The following GRIK2 variants were observed in gnomAD, a reference collection of about 807,000 sequenced individuals.
GRIK2 encodes glutamate receptor ionotropic, kainate 2.
Under a neutral mutation model 100.3 loss-of-function variants are expected in GRIK2, and 32 were observed. The observed-to-expected ratio is 0.32, with a 90% confidence interval of 0.24 to 0.43. The LOEUF (loss-of-function observed/expected upper bound fraction) is 0.43. Ranked by LOEUF, GRIK2 falls within the 20% of genes least tolerant of loss-of-function variation. GRIK2 has a pLI of 1.00. For synonymous variants in GRIK2, 417 were observed against 389.4 expected, an observed-to-expected ratio of 1.07 and a Z score of -0.83; for missense variants, 843 against 1,114.9, an observed-to-expected ratio of 0.76 and a Z score of 3.47.
At chr6:101,533,380 T>G (rs1289013741) in intron 2 of GRIK2, among the ~76,000 whole-genome samples, 2 of 150,422 alleles carry the variant, frequency 1.3e-5, no homozygotes, top group Non-Finnish European at 3.0e-5. Context: ...AATGTATCAA[T>G]TAGAACAAAA....
intron 15 of GRIK2, among the ~76,000 whole-genome samples, chr6:102,046,016 A>G (rs946866799): frequency 2.0e-5 from 3 of 152,108 alleles, no homozygotes; most frequent in African/African-American, 4.8e-5. Flanking sequence ...AATGTATTCC[A>G]TGCACATGGT....
At chr6:101,788,947 A>T (rs1475688874) in intron 7 of GRIK2, among the ~76,000 whole-genome samples, 1 of 151,996 alleles carries the variant, frequency 6.6e-6, no homozygotes, top group East Asian at 1.9e-4. Context: ...TGATTTGCAT[A>T]TCTCTGATGG....
chr6:101,882,170 C>T (rs2128453788), intron 11 of GRIK2, among the ~76,000 whole-genome samples: 1 of 152,148 alleles, frequency 6.6e-6, no homozygotes, highest in Non-Finnish European at 1.5e-5. Flanking sequence ...GGGTCCCTCC[C>T]ACAACACCTG....
chr6:101,975,713 G>C (rs994979054), intron 14 of GRIK2, among the ~76,000 whole-genome samples: 2 of 151,822 alleles, frequency 1.3e-5, no homozygotes, highest in African/African-American at 4.8e-5. Flanking sequence ...GGTCAAGGTG[G>C]GCAGGTGGAG....
chr6:101,902,414 A>G (rs1333430374), intron 12 of GRIK2, among the ~76,000 whole-genome samples: 1 of 151,976 alleles, frequency 6.6e-6, no homozygotes, highest in Non-Finnish European at 1.5e-5. Context: ...AAGCAAAAGT[A>G]AAAAGTTAAG....
intron 15 of GRIK2, 123 bp downstream of exon 15, chr6:102,035,689 C>G (rs774509507): frequency 9.9e-6 from 6 of 604,798 alleles, no homozygotes; most frequent in Non-Finnish European, 1.8e-5. Flanking sequence ...ATCCTGCTAC[C>G]TCTCTGATTG....
intron 2 of GRIK2, among the ~76,000 whole-genome samples, chr6:101,458,192 TC>T (rs1771110867): frequency 6.6e-6 from 1 of 151,980 alleles, no homozygotes; most frequent in Admixed American, 6.6e-5. Context: ...TGAGAAGGGA[TC>T]TTTTTTTTTT....
rs1446803020 is a variant in GRIK2 at position 102,069,819 on chromosome 6, T to C, written c.*1308T>C. On this transcript the variant is annotated 3_prime_UTR_variant, in exon 17 of 17. Transcript: ENST00000369134. ...CAACGTTTGGTGAAAACTATTTTTA[T>C]CAAGAAAAAAGGAATCATAGAAGAG... 1 of 151,856 alleles carries C rather than the reference T, an allele frequency of 6.6e-6. No individual in the cohort carries two copies. Among genetic ancestry groups the C allele is most frequent in the Non-Finnish European group, 1.5e-5 (1 of 67,938 alleles). 9.4% of individuals were successfully genotyped at this position (151,856 alleles called of 1,614,324 possible).
chr6:101,856,281 G>A (rs1157129256), intron 10 of GRIK2, among the ~76,000 whole-genome samples: 1 of 152,118 alleles, frequency 6.6e-6, no homozygotes, highest in Non-Finnish European at 1.5e-5. Context: ...AGTAAACGAT[G>A]GTGCCATTTT....
chr6:101,556,898 T>TG (rs1776775460), intron 2 of GRIK2, among the ~76,000 whole-genome samples: 1 of 152,194 alleles, frequency 6.6e-6, no homozygotes, highest in African/African-American at 2.4e-5. Context: ...ATTTGGTGAA[T>TG]TTGTGGTACT....
intron 16 of GRIK2, among the ~76,000 whole-genome samples, chr6:102,059,018 T>A (rs1771611622): frequency 6.6e-6 from 1 of 151,310 alleles, no homozygotes; most frequent in Admixed American, 6.6e-5. Flanking sequence ...ATAAAATGCC[T>A]TTTATAATAC....
intron 2 of GRIK2, among the ~76,000 whole-genome samples, chr6:101,565,553 A>G (rs1322605116): frequency 6.6e-6 from 1 of 152,108 alleles, no homozygotes. Context: ...TTTAGTGTGC[A>G]AATTATTTAA....
chr6:101,948,726 C>T (rs1791432716), intron 14 of GRIK2, among the ~76,000 whole-genome samples: 1 of 151,946 alleles, frequency 6.6e-6, no homozygotes, highest in South Asian at 2.1e-4. Context: ...CCTGCTGCCT[C>T]AGCCTCCCAA....
chr6:101,891,254 C>T (rs778097071), intron 12 of GRIK2, among the ~76,000 whole-genome samples: 37 of 151,518 alleles, frequency 2.4e-4, no homozygotes, highest in South Asian at 8.3e-4. Context: ...TGTGGTTGCT[C>T]ACGCCTGTAA....
intron 2 of GRIK2, among the ~76,000 whole-genome samples, chr6:101,464,427 A>C (rs916237952): frequency 1.3e-5 from 2 of 150,700 alleles, no homozygotes; most frequent in Non-Finnish European, 3.0e-5. Context: ...TGGTGGAGGC[A>C]TAAACTTTGC....
intron 12 of GRIK2, among the ~76,000 whole-genome samples, chr6:101,899,096 G>GTTTTTTTTTTTTTTTTTTTTTTTT (rs1372120727): frequency 7.5e-6 from 1 of 133,068 alleles, no homozygotes; most frequent in Non-Finnish European, 1.6e-5. Context: ...TCTTTTTGTT[G>GTTTTTTTTTTTTTTTTTTTTTTTT]TTTTTGTTTT....
chr6:101,909,691 A>AC (rs1309939503), intron 12 of GRIK2, among the ~76,000 whole-genome samples: 1 of 41,636 alleles, frequency 2.4e-5, no homozygotes, highest in East Asian at 1.6e-3. Flanking sequence ...CCTTTTTGAA[A>AC]AAAATAATGT....
intron 2 of GRIK2, among the ~76,000 whole-genome samples, chr6:101,542,238 T>C (rs1333290964): frequency 6.6e-6 from 1 of 151,678 alleles, no homozygotes; most frequent in Non-Finnish European, 1.5e-5. Flanking sequence ...TCTTGTAAAT[T>C]CAAAGAAAAA....
intron 14 of GRIK2, among the ~76,000 whole-genome samples, chr6:102,031,768 G>A (rs1451927142): frequency 6.6e-6 from 1 of 151,270 alleles, no homozygotes; most frequent in African/African-American, 2.4e-5. Flanking sequence ...CCTCCATCCA[G>A]CTGCATCCAT....
Sources: gnomAD v4.1 joint callset for allele counts (sites outside exome capture counted in the v4.1 genomes callset) on GRCh38, gnomAD v4.1.1 for gene constraint, MANE v1.5 for transcripts, NCBI Gene and HGNC (gene_info 2026-07-23, HGNC 2026-07-21) for gene names.